The following RGS3 variants were observed in gnomAD, a reference collection of about 807,000 sequenced individuals.
RGS3 encodes the protein regulator of G protein signaling 3, also known as regulator of G-protein signalling 3.
A neutral mutation model predicts 132.6 loss-of-function variants in RGS3; 80 were observed. That is an observed-to-expected ratio of 0.60 (90% CI 0.50 to 0.73). The LOEUF (loss-of-function observed/expected upper bound fraction) is 0.73. Ranked by LOEUF, RGS3 falls within the 30% of genes least tolerant of loss-of-function variation. RGS3 has a pLI of 0.00. For missense variants in RGS3, 1,382 were observed against 1,530.8 expected, an observed-to-expected ratio of 0.90 and a Z score of 1.62; for synonymous variants, 598 against 620.6, an observed-to-expected ratio of 0.96 and a Z score of 0.54.
intron 21 of RGS3, chr9:113,593,613 T>G (rs902987274): frequency 2.5e-6 from 1 of 399,790 alleles, no homozygotes; most frequent in Non-Finnish European, 4.5e-6. Flanking sequence ...ATGTCGCCAA[T>G]GCAGGTGACT....
intron 18 of RGS3, among the ~76,000 whole-genome samples, chr9:113,530,882 C>T (rs1832434390): frequency 6.6e-6 from 1 of 152,210 alleles, no homozygotes; most frequent in Admixed American, 6.5e-5. Context: ...AAGATGCCTT[C>T]TTGCTCTGTA....
intron 10 of RGS3, among the ~76,000 whole-genome samples, chr9:113,500,384 G>A (rs1253890270): frequency 6.6e-6 from 1 of 152,220 alleles, no homozygotes; most frequent in East Asian, 1.9e-4. Context: ...ACTTGAGTGT[G>A]TGGCTGGGCT....
At chr9:113,592,184 C>T (rs760765605) in intron 21 of RGS3, 5 of 152,378 alleles carry the variant, frequency 3.3e-5, no homozygotes, top group African/African-American at 9.6e-5. Context: ...AAGCCTTCCT[C>T]ACCCCAGCTG....
intron 19 of RGS3, among the ~76,000 whole-genome samples, chr9:113,563,446 AG>A (rs1833872827): frequency 6.6e-6 from 1 of 152,206 alleles, no homozygotes; most frequent in South Asian, 2.1e-4. Flanking sequence ...TCCTATATTC[AG>A]GCTCCCCACC....
At chr9:113,498,760 C>A (rs1047594179) in intron 10 of RGS3, among the ~76,000 whole-genome samples, 2 of 151,610 alleles carry the variant, frequency 1.3e-5, no homozygotes, top group African/African-American at 4.8e-5. Flanking sequence ...ACTAAAAATA[C>A]AAAAAAATTA....
intron 15 of RGS3, among the ~76,000 whole-genome samples, chr9:113,515,271 A>C (rs754231885): frequency 5.3e-5 from 8 of 151,998 alleles, no homozygotes; most frequent in South Asian, 2.1e-4. Context: ...TGTGATCATA[A>C]CCCTGCACTC....
At chr9:113,472,090 T>C (rs116956860) in intron 3 of RGS3, among the ~76,000 whole-genome samples, 3,724 of 152,174 alleles carry the variant, frequency 0.024, 66 homozygotes, top group Admixed American at 0.037. Flanking sequence ...CATACTAGAA[T>C]GACTATAATA....
chr9:113,540,541 G>C (rs1022584977), intron 19 of RGS3, among the ~76,000 whole-genome samples: 1 of 152,162 alleles, frequency 6.6e-6, no homozygotes, highest in Admixed American at 6.5e-5. Flanking sequence ...CATCCGTGCC[G>C]TGAGCCTCCT....
chr9:113,541,468 C>T (rs1184770165), intron 19 of RGS3: 1 of 1,604,256 alleles, frequency 6.2e-7, no homozygotes, highest in South Asian at 1.1e-5. Context: ...CAACTTAACC[C>T]TTTCTTGGGC....
chr9:113,580,914 C>T (rs12339501), intron 19 of RGS3: 87,188 of 985,530 alleles, frequency 0.088, 4,163 homozygotes, highest in Non-Finnish European at 0.095. Flanking sequence ...GCGGCCCGCT[C>T]CCCACTCAGT....
chr9:113,450,346 C>T (rs112742300), intron 1 of RGS3, among the ~76,000 whole-genome samples: 6,113 of 149,336 alleles, frequency 0.041, 163 homozygotes, highest in South Asian at 0.1. Flanking sequence ...GCTGGGATTA[C>T]AGGCATGAGC....
rs556719325 is a variant in RGS3, at chr9:113,492,415, A to G, written c.690-3371A>G. On this transcript the variant is annotated intron_variant, in intron 7 of 24. Coordinates refer to ENST00000350696, the Ensembl canonical transcript of RGS3. Reference sequence around the variant, plus strand: ...TGTTGCCTGCACTGTTCATCTGTCAATCGCACCCTGTCTTGTGACATCCCC... The same window carrying G: ...TGTTGCCTGCACTGTTCATCTGTCAGTCGCACCCTGTCTTGTGACATCCCC... Among the ~76,000 whole-genome samples the G allele has an allele frequency of 3.1e-4, 47 of 152,290 alleles. 1 individual carries two copies. Among genetic ancestry groups the G allele is most frequent in the Admixed American group, 3.0e-3 (46 of 15,300 alleles).
chr9:113,559,476 G>T (rs1833704344), intron 19 of RGS3, among the ~76,000 whole-genome samples: 1 of 152,222 alleles, frequency 6.6e-6, no homozygotes, highest in Non-Finnish European at 1.5e-5. Flanking sequence ...AGCTCTGTAG[G>T]GGGACATTTG....
rs903058969 is a variant in RGS3, at chr9:113,507,336, G to A, written c.1135G>A (p.Val379Ile). ...ACTCGTGTGGCGCATGGTCCCCCAG[G>A]TCAAGCCAGGACCAGATGGCGGGGT... Residue 379 changes from valine to isoleucine, a missense_variant, in exon 13 of 25, where the codon GTC becomes ATC. Val to Ile is a conservative substitution (Grantham distance 29, BLOSUM62 3). Coordinates refer to ENST00000350696, the Ensembl canonical transcript of RGS3. The surrounding 1 kb of genome is among the most constrained non-coding windows in gnomAD (Gnocchi z 5.0). 20 of 1,613,870 alleles carry A rather than the reference G, an allele frequency of 1.2e-5. No individual in the cohort carries two copies. The East Asian group carries it at 4.5e-4, about 36-fold the overall frequency.
Position 113,584,191 on chromosome 9 carries a change from G to A in RGS3, c.2779G>A (p.Gly927Ser), listed in dbSNP as rs147702898. Residue 927 changes from glycine to serine, a missense_variant, in exon 20 of 25, where the codon GGT becomes AGT. Gly to Ser is a moderately conservative substitution (Grantham distance 56). Transcript: ENST00000350696. Reference sequence around the variant, plus strand: ...GATCGAGACGGGCCAGGGGGCTGAGGGTGGCCTCTCACTGCGTGTGCAGAA... The same window carrying A: ...GATCGAGACGGGCCAGGGGGCTGAGAGTGGCCTCTCACTGCGTGTGCAGAA... 19 of 1,614,100 alleles carry A rather than the reference G, an allele frequency of 1.2e-5. No individual in the cohort carries two copies. The African/African-American group carries it at 2.3e-4, about 19-fold the overall frequency.
intron 3 of RGS3, among the ~76,000 whole-genome samples, chr9:113,468,151 C>A (rs79968622): frequency 0.024 from 3,691 of 152,278 alleles, 55 homozygotes; most frequent in South Asian, 0.064. Context: ...AGAGATTTAC[C>A]TGTATGTTTT....
chr9:113,500,232 C>T (rs1378396465), intron 10 of RGS3, among the ~76,000 whole-genome samples: 3 of 152,168 alleles, frequency 2.0e-5, no homozygotes, highest in Non-Finnish European at 2.9e-5. Flanking sequence ...TGGTTGGGGC[C>T]GGGGGAGAGC....
At chr9:113,452,372 G>A (rs185438608) in intron 1 of RGS3, among the ~76,000 whole-genome samples, 12 of 150,398 alleles carry the variant, frequency 8.0e-5, no homozygotes, top group African/African-American at 2.2e-4. Context: ...CTGATGAGAC[G>A]TCTGATGTCA....
At position 113,506,330 on chromosome 9, in the gene RGS3, C is replaced by T; in HGVS notation, c.980-58C>T. 1 of 1,102,726 alleles carries T rather than the reference C, an allele frequency of 9.1e-7. No homozygotes were observed. The highest frequency in any genetic ancestry group is 1.4e-6 in the Non-Finnish European group (1 of 739,396). The allele number at this position is 1,102,726 out of a possible 1,614,324, so 68.3% of individuals were successfully genotyped here. ...ACCATGGCAGCAAAGGACTCCAGAT[C>T]CTTTGAAGGGGTCTTAGGCTTCAGG... On this transcript the variant is annotated intron_variant, in intron 11 of 24. Coordinates refer to ENST00000350696, the Ensembl canonical transcript of RGS3. The surrounding 1 kb of genome is among the most constrained non-coding windows in gnomAD (Gnocchi z 4.7).
Sources: gnomAD v4.1 joint callset for allele counts (sites outside exome capture counted in the v4.1 genomes callset) on GRCh38, gnomAD v4.1.1 for gene constraint, Gnocchi (gnomAD v3.1) non-coding constraint, MANE v1.5 for transcripts, NCBI Gene and HGNC (gene_info 2026-07-23, HGNC 2026-07-21) for gene names.